The following DAB1 variants were observed in gnomAD, a reference collection of about 807,000 sequenced individuals.
DAB1 encodes the protein DAB adaptor protein 1, also known as disabled homolog 1.
DAB1 carries 15 observed loss-of-function variants against 64.6 expected under a neutral mutation model. The ratio of observed to expected loss-of-function variants is 0.23; its 90% CI spans 0.16 to 0.36. The LOEUF is 0.36. DAB1 is among the 10% of genes least tolerant of loss of function. The pLI, the probability that DAB1 is intolerant of heterozygous loss-of-function variation, is 1.00. For missense variants in DAB1, 596 were observed against 706.7 expected (o/e 0.84, Z 1.78); for synonymous variants, 235 against 251.9 (o/e 0.93, Z 0.64).
intron 7 of DAB1, among the ~76,000 whole-genome samples, chr1:57,448,375 T>C (rs542573436): frequency 2.6e-5 from 4 of 152,248 alleles, no homozygotes; most frequent in African/African-American, 9.6e-5. Flanking sequence ...ATACAAAACA[T>C]TGAAAAAGTT....
At chr1:57,776,619 G>C (rs1569646519) in intron 6 of DAB1, among the ~76,000 whole-genome samples, 1 of 151,396 alleles carries the variant, frequency 6.6e-6, no homozygotes, top group East Asian at 1.9e-4. Flanking sequence ...TATATATTTG[G>C]TTATTTAGTT....
Position 58,325,488 on chromosome 1 carries a change from C to A in DAB1, n.309+17864G>T, listed in dbSNP as rs140662137. On this transcript the variant is annotated intron_variant and non_coding_transcript_variant, in intron 4 of 20. Transcript: ENST00000485760. ...AAATTATAAAACAATATAATTTATG[C>A]AAATTGATATAGTACAGAAATTAGC... 3.3e-3 allele frequency among the ~76,000 whole-genome samples: 508 copies of A among 152,098 alleles called. 4 individuals carry two copies. The highest frequency in any genetic ancestry group is 9.7e-3 in the African/African-American group (401 of 41,476).
intron 6 of DAB1, among the ~76,000 whole-genome samples, chr1:57,805,630 C>G (rs571153125): frequency 4.6e-5 from 7 of 152,262 alleles, no homozygotes; most frequent in African/African-American, 1.4e-4. Context: ...TGGACTGTTT[C>G]TGGAAATATA....
chr1:58,505,968 A>G (rs1272057935), intron 3 of DAB1: 1 of 703,196 alleles, frequency 1.4e-6, no homozygotes, highest in African/African-American at 1.8e-5. Flanking sequence ...TTAATAGGCT[A>G]GAACTCTCTT....
chr1:58,225,438 T>C (rs901510449), intron 4 of DAB1, among the ~76,000 whole-genome samples: 2 of 151,676 alleles, frequency 1.3e-5, no homozygotes, highest in Non-Finnish European at 1.5e-5. Context: ...GAAATACCAT[T>C]TGACCCAGCC....
intron 1 of DAB1, among the ~76,000 whole-genome samples, chr1:57,421,917 C>CGGGGGGGGGGGGGGGGGGG (rs200226853): frequency 1.5e-4 from 1 of 6,820 alleles, no homozygotes; most frequent in Admixed American, 1.6e-3. Context: ...GGGGGGGTGG[C>CGGGGGGGGGGGGGGGGGGG]GGGGGGGGGT....
At chr1:58,540,815 G>GAA (rs147800455) in intron 1 of DAB1, among the ~76,000 whole-genome samples, 7 of 142,720 alleles carry the variant, frequency 4.9e-5, no homozygotes, top group African/African-American at 7.7e-5. Flanking sequence ...GGTGTAGACA[G>GAA]AAAAAAAAAA....
At chr1:57,185,083 C>T (rs546894079) in intron 2 of DAB1, among the ~76,000 whole-genome samples, 1 of 152,102 alleles carries the variant, frequency 6.6e-6, no homozygotes, top group Non-Finnish European at 1.5e-5. Flanking sequence ...CTCTTGCTCA[C>T]CCCTGGGTCT....
At chr1:57,529,513 T>C (rs1230545278) in intron 7 of DAB1, among the ~76,000 whole-genome samples, 1 of 151,826 alleles carries the variant, frequency 6.6e-6, no homozygotes, top group African/African-American at 2.4e-5. Flanking sequence ...CACAGAGAAG[T>C]TGAAATTGAA....
intron 7 of DAB1, among the ~76,000 whole-genome samples, chr1:57,495,670 G>A (rs1216205384): frequency 6.6e-6 from 1 of 152,176 alleles, no homozygotes; most frequent in African/African-American, 2.4e-5. Context: ...GTATGCCAGT[G>A]TTTATGAAAT....
intron 5 of DAB1, among the ~76,000 whole-genome samples, chr1:57,984,693 A>C (rs946066057): frequency 1.3e-5 from 2 of 152,262 alleles, no homozygotes; most frequent in African/African-American, 4.8e-5. Flanking sequence ...CTGTGAAAGC[A>C]TAAAGGTCAG....
intron 6 of DAB1, among the ~76,000 whole-genome samples, chr1:57,705,874 G>GTTTTTTTTTTTTTT (rs11375591): frequency 6.9e-6 from 1 of 144,766 alleles, no homozygotes; most frequent in Non-Finnish European, 1.5e-5. Flanking sequence ...CAATACTAGG[G>GTTTTTTTTTTTTTT]TTTTTTTTTT....
At chr1:58,370,184 T>G (rs1258377620) in intron 3 of DAB1, among the ~76,000 whole-genome samples, 1 of 152,106 alleles carries the variant, frequency 6.6e-6, no homozygotes, top group Non-Finnish European at 1.5e-5. Flanking sequence ...TTTTTAAAAT[T>G]TGGTGTATTC....
At chr1:58,286,025 A>G (rs1645406575) in intron 4 of DAB1, among the ~76,000 whole-genome samples, 1 of 152,200 alleles carries the variant, frequency 6.6e-6, no homozygotes, top group African/African-American at 2.4e-5. Context: ...ATCTACAACC[A>G]TATGATCTTC....
chr1:58,457,863 G>C (rs906318131), intron 3 of DAB1, among the ~76,000 whole-genome samples: 2 of 152,184 alleles, frequency 1.3e-5, no homozygotes, highest in South Asian at 2.1e-4. Flanking sequence ...TGTTGACGGG[G>C]AAAGGTGGGG....
intron 5 of DAB1, among the ~76,000 whole-genome samples, chr1:58,030,968 G>A (rs934247678): frequency 6.6e-6 from 1 of 152,180 alleles, no homozygotes; most frequent in Non-Finnish European, 1.5e-5. Context: ...AATGTTAAGG[G>A]AGTTCCTAAG....
At chr1:57,302,969 T>C (rs1673793474) in intron 1 of DAB1, among the ~76,000 whole-genome samples, 1 of 152,216 alleles carries the variant, frequency 6.6e-6, no homozygotes, top group South Asian at 2.1e-4. Context: ...CTAACTACAG[T>C]ATTAAATGAT....
At chr1:57,276,243 C>T (rs1671451022) in intron 2 of DAB1, among the ~76,000 whole-genome samples, 1 of 152,250 alleles carries the variant, frequency 6.6e-6, no homozygotes, top group Non-Finnish European at 1.5e-5. Flanking sequence ...GACATAATTT[C>T]AGAATCCTCT....
At chr1:57,767,899 G>A (rs992459906) in intron 6 of DAB1, among the ~76,000 whole-genome samples, 2 of 151,878 alleles carry the variant, frequency 1.3e-5, no homozygotes, top group African/African-American at 2.4e-5. Flanking sequence ...GGTGCTGGCC[G>A]GGGGTGGTAG....
Sources: allele counts gnomAD v4.1 joint callset (sites outside exome capture counted in the v4.1 genomes callset), GRCh38; gene constraint gnomAD v4.1.1; transcripts MANE v1.5; gene names NCBI Gene and HGNC (gene_info 2026-07-23, HGNC 2026-07-21).